Variants in CYP7B1 observed in about 807,000 individuals in gnomAD.
CYP7B1 encodes the protein cytochrome P450 family 7 subfamily B member 1.
In CYP7B1, 29 loss-of-function variants were observed where a neutral mutation model predicts 42.7. The observed-to-expected ratio is 0.68, with a 90% CI of 0.51 to 0.93. The LOEUF (loss-of-function observed/expected upper bound fraction) is 0.93, where lower values mean the gene tolerates loss of function less well. CYP7B1 is among the 40% of genes least tolerant of loss of function. The pLI is 0.00. For missense variants in CYP7B1, 655 were observed against 600.5 expected (o/e 1.09, Z -0.95); for synonymous variants, 235 against 218.2 (o/e 1.08, Z -0.68).
At position 64,794,984 on chromosome 8, in the gene CYP7B1, C is replaced by T. The variant is rs190963622; in HGVS notation, c.122+3482G>A. 1.2e-3 allele frequency among the ~76,000 whole-genome samples: 189 copies of T among 152,068 alleles called. 1 individual carries two copies. The highest frequency in any genetic ancestry group is 4.3e-3 in the African/African-American group (180 of 41,490). ...GGCAAGGATGTGGAGCAACGTAAACCCTCATGTATTACTGGCGGAAGTGTT... is the reference window on the plus strand; with the variant it reads ...GGCAAGGATGTGGAGCAACGTAAACTCTCATGTATTACTGGCGGAAGTGTT... On this transcript the variant is annotated intron_variant, in intron 1 of 5. Transcript: ENST00000310193.
intron 1 of CYP7B1, among the ~76,000 whole-genome samples, chr8:64,700,293 G>C (rs1182805012): frequency 6.6e-6 from 1 of 152,004 alleles, no homozygotes; most frequent in Non-Finnish European, 1.5e-5. Flanking sequence ...ACAACCACCA[G>C]GACAGGGACC....
rs150737294 is a variant in CYP7B1 at position 64,613,438 on chromosome 8, C to T, written c.1057+1588G>A. ...ACATTTTTTAAGAGTAATAACTATACAGAATACAAACACATATTCCTTTTA... is the reference window on the plus strand; with the variant it reads ...ACATTTTTTAAGAGTAATAACTATATAGAATACAAACACATATTCCTTTTA... On this transcript the variant is annotated intron_variant, in intron 4 of 5. Coordinates refer to ENST00000310193, the MANE Select transcript of CYP7B1 (RefSeq NM_004820.5). Among the ~76,000 whole-genome samples, 819 of 152,126 alleles carry T rather than the reference C, an allele frequency of 5.4e-3. 7 individuals are homozygous for T. Among genetic ancestry groups the T allele is most frequent in the African/African-American group, 0.019 (780 of 41,506 alleles).
intron 1 of CYP7B1, among the ~76,000 whole-genome samples, chr8:64,677,712 T>TG (rs888190400): frequency 1.6e-4 from 24 of 147,960 alleles, no homozygotes; most frequent in Non-Finnish European, 3.3e-4. Flanking sequence ...CTTGGTTTTT[T>TG]TTTTTTTTTT....
At chr8:64,742,971 T>C (rs1372860212) in intron 1 of CYP7B1, among the ~76,000 whole-genome samples, 1 of 152,200 alleles carries the variant, frequency 6.6e-6, no homozygotes, top group Non-Finnish European at 1.5e-5. Context: ...CTTCTATGTT[T>C]ATTTACAAAT....
intron 1 of CYP7B1, among the ~76,000 whole-genome samples, chr8:64,660,672 T>C (rs963538603): frequency 1.2e-4 from 19 of 152,326 alleles, no homozygotes; most frequent in Non-Finnish European, 1.9e-4. Context: ...ATATTGGAAG[T>C]AAATTCCCAT....
chr8:64,713,975 CAT>C (rs1405152502), intron 1 of CYP7B1, among the ~76,000 whole-genome samples: 1 of 152,190 alleles, frequency 6.6e-6, no homozygotes, highest in East Asian at 1.9e-4. Flanking sequence ...GGTAGTAACT[CAT>C]ATAATCCCAA....
intron 1 of CYP7B1, among the ~76,000 whole-genome samples, chr8:64,642,539 C>T (rs1002888643): frequency 1.7e-4 from 26 of 152,076 alleles, no homozygotes; most frequent in Non-Finnish European, 2.6e-4. Context: ...TTTTAGGATT[C>T]GTCACAGGTT....
At chr8:64,746,261 C>T (rs1005104909) in intron 1 of CYP7B1, among the ~76,000 whole-genome samples, 1 of 152,026 alleles carries the variant, frequency 6.6e-6, no homozygotes, top group African/African-American at 2.4e-5. Context: ...CTTAAGTCCC[C>T]AAGCATTGAT....
At chr8:64,588,000 T>C (rs1033732945), downstream of CYP7B1, among the ~76,000 whole-genome samples, 2 of 152,188 alleles carry the variant, frequency 1.3e-5, no homozygotes, top group Non-Finnish European at 2.9e-5. Flanking sequence ...GAGTTAATTC[T>C]TTCCCAAAGA....
intron 1 of CYP7B1, among the ~76,000 whole-genome samples, chr8:64,737,552 T>C (rs1807507938): frequency 6.6e-6 from 1 of 152,234 alleles, no homozygotes; most frequent in South Asian, 2.1e-4. Flanking sequence ...TTAATGCATG[T>C]TCTTTCCATA....
At chr8:64,735,142 A>G (rs1807467876) in intron 1 of CYP7B1, among the ~76,000 whole-genome samples, 1 of 152,216 alleles carries the variant, frequency 6.6e-6, no homozygotes, top group Non-Finnish European at 1.5e-5. Context: ...TTCCTGATCT[A>G]TAAAAACTGC....
intron 1 of CYP7B1, among the ~76,000 whole-genome samples, chr8:64,783,798 A>G (rs1228390011): frequency 6.6e-6 from 1 of 152,170 alleles, no homozygotes; most frequent in Non-Finnish European, 1.5e-5. Flanking sequence ...GTGCAGGGCT[A>G]ACTAGTATAA....
intron 1 of CYP7B1, among the ~76,000 whole-genome samples, chr8:64,751,964 T>C (rs1383632084): frequency 6.6e-6 from 1 of 152,216 alleles, no homozygotes; most frequent in African/African-American, 2.4e-5. Flanking sequence ...TCCTTTCTTA[T>C]GTCATACACC....
chr8:64,666,695 G>A (rs1806285096), intron 1 of CYP7B1, among the ~76,000 whole-genome samples: 1 of 152,198 alleles, frequency 6.6e-6, no homozygotes, highest in Non-Finnish European at 1.5e-5. Context: ...GTGAAAAATA[G>A]TCTGGTATTC....
intron 1 of CYP7B1, among the ~76,000 whole-genome samples, chr8:64,677,438 C>CA (rs148821778): frequency 0.016 from 1,412 of 87,230 alleles, 51 homozygotes; most frequent in Middle Eastern, 0.024. Context: ...ATTTAGGAGC[C>CA]AAAAAAAAAA....
chr8:64,747,045 T>C (rs942192419), intron 1 of CYP7B1, among the ~76,000 whole-genome samples: 14 of 151,312 alleles, frequency 9.3e-5, no homozygotes, highest in African/African-American at 2.9e-4. Flanking sequence ...TCAATATGAA[T>C]TTGAATTGAT....
chr8:64,610,295 T>G (rs990894559), intron 4 of CYP7B1, among the ~76,000 whole-genome samples: 2 of 152,166 alleles, frequency 1.3e-5, no homozygotes, highest in African/African-American at 4.8e-5. Context: ...GATATAAAAT[T>G]TTCACTATTT....
At chr8:64,612,878 T>C (rs1030458561) in intron 4 of CYP7B1, among the ~76,000 whole-genome samples, 4 of 152,162 alleles carry the variant, frequency 2.6e-5, no homozygotes, top group Non-Finnish European at 5.9e-5. Context: ...TGTGTAAGTC[T>C]TGCCTTTGTA....
At chr8:64,600,932 CT>C (rs1221778454) in intron 5 of CYP7B1, among the ~76,000 whole-genome samples, 1 of 152,038 alleles carries the variant, frequency 6.6e-6, no homozygotes, top group Admixed American at 6.6e-5. Context: ...GGGAAGGGAC[CT>C]TTTTATTTCT....
Sources: allele counts gnomAD v4.1 joint callset (sites outside exome capture counted in the v4.1 genomes callset), GRCh38; gene constraint gnomAD v4.1.1; transcripts MANE v1.5; gene names NCBI Gene and HGNC (gene_info 2026-07-23, HGNC 2026-07-21).